Variants in MELTF observed in about 807,000 individuals in gnomAD.
MELTF encodes antigen p97 (melanoma associated) identified by monoclonal antibodies 133.2 and 96.5.
Under a neutral mutation model 83.7 loss-of-function variants are expected in MELTF, and 67 were observed. The observed-to-expected ratio is 0.80, with a 90% confidence interval of 0.66 to 0.98. The LOEUF is 0.98. MELTF is among the 50% of genes least tolerant of loss of function. MELTF has a pLI of 0.00. For synonymous variants in MELTF, 462 were observed against 447.6 expected, an observed-to-expected ratio of 1.03 and a Z score of -0.41; for missense variants, 1,002 against 1,035.6, an observed-to-expected ratio of 0.97 and a Z score of 0.44.
At position 197,008,866 on chromosome 3, in the gene MELTF, C is replaced by A; in HGVS notation, c.1625G>T (p.Arg542Leu). The change falls in exon 12 of 16, where the codon CGC becomes CTC. Residue 542 changes from arginine (R) to leucine (L), a missense_variant. By Grantham distance (102) the Arg-to-Leu change is moderately radical (BLOSUM62 -2). Coordinates refer to ENST00000296350, the MANE Select transcript of MELTF (RefSeq NM_005929.6). This position sits in a 1 kb window ranked among gnomAD's most constrained non-coding sequence, Gnocchi z 5.4. ...CTGGCTGTTGCCCACACACTTGTTG[C>A]GGCCCTGCTCGTCCCCCACGCACAG... The part of the protein sequence containing the change: ...CALCVGDEQG[R>L]NKCVGNSQER... 1 of 1,614,130 alleles carries A rather than the reference C, an allele frequency of 6.2e-7. No homozygotes were observed. The highest frequency in any genetic ancestry group is 8.5e-7 in the Non-Finnish European group (1 of 1,180,016).
chr3:197,022,963 G>GC lies in MELTF; in HGVS notation c.637dup (p.Ala213GlyfsTer49). The GC allele has an allele frequency of 6.2e-7, 1 of 1,608,432 alleles. No homozygotes were observed. The highest frequency in any genetic ancestry group is 8.5e-7 in the Non-Finnish European group (1 of 1,178,266). On this transcript the variant is annotated frameshift_variant, in exon 5 of 16. Coordinates refer to ENST00000296350, the MANE Select transcript of MELTF (RefSeq NM_005929.6). LOFTEE classifies it high-confidence loss of function. This position sits in a 1 kb window ranked among gnomAD's most constrained non-coding sequence, Gnocchi z 5.1. ...CTGCCCCCACTCCGCTCACCGGAAG[G>GC]CCCCGCTGTAGTCGTAGTATCTCTC...
chr3:197,028,069 CA>C (rs1362730779), intron 1 of MELTF, 159 bp from the exon 2 acceptor site: 7 of 787,068 alleles, frequency 8.9e-6, no homozygotes, highest in Non-Finnish European at 7.9e-6. Context: ...GGCGCAGAGA[CA>C]GGGGAAGGGC....
At position 197,024,335 on chromosome 3, in the gene MELTF, C is replaced by T. The variant is rs149889297; in HGVS notation, c.455G>A (p.Arg152His). 69 of 1,588,156 alleles carry T rather than the reference C, an allele frequency of 4.3e-5. No individual in the cohort carries two copies. The highest frequency in any genetic ancestry group is 3.1e-4 in the African/African-American group (23 of 74,264). ...VPVGYLVESG[R>H]LSVMGCDVLK... ...TACATCGCAGCCCATCACCGAGAGGCGGCCGCTCTCCACCAGGTAGCCCAC... is the reference window on the plus strand; with the variant it reads ...TACATCGCAGCCCATCACCGAGAGGTGGCCGCTCTCCACCAGGTAGCCCAC... Residue 152 changes from arginine (R) to histidine (H), a missense_variant, in exon 4 of 16, where the codon CGC becomes CAC. Arg to His is a conservative substitution (Grantham distance 29). Transcript: ENST00000296350. The surrounding 1 kb of genome is among the most constrained non-coding windows in gnomAD (Gnocchi z 5.3).
At chr3:197,012,612 G>C (rs1243275464) in intron 9 of MELTF, among the ~76,000 whole-genome samples, 1 of 152,266 alleles carries the variant, frequency 6.6e-6, no homozygotes, top group Non-Finnish European at 1.5e-5. Context: ...CAAAAACTGG[G>C]GAGTGTGAAC....
chr3:197,023,493 A>G (rs73893754), intron 4 of MELTF, among the ~76,000 whole-genome samples: 1 of 152,222 alleles, frequency 6.6e-6, no homozygotes. Flanking sequence ...ACTGATGGGT[A>G]GACAACCCTT....
At position 197,009,675 on chromosome 3, in the gene MELTF, C is replaced by T. The variant is rs138051810; in HGVS notation, c.1468G>A (p.Val490Met). 267 of 1,613,848 alleles carry T rather than the reference C, an allele frequency of 1.7e-4. No individual in the cohort carries two copies. The highest frequency in any genetic ancestry group is 1.6e-3 in the African/African-American group (120 of 75,052). Residue 490 changes from valine to methionine, a missense_variant, in exon 11 of 16, where the codon GTG (valine) becomes ATG (methionine). Val to Met is a conservative substitution (Grantham distance 21, BLOSUM62 1). Transcript: ENST00000296350. ...AAGCCTCTCTGAATAAGGGCACCCA[C>T]GGGGACATCCCAGCCTGCAGGGCTG... ...FGSPAGWDVP[V>M]GALIQRGFIR...
intron 5 of MELTF, among the ~76,000 whole-genome samples, chr3:197,021,914 C>T (rs1461928064): frequency 1.3e-5 from 2 of 152,100 alleles, no homozygotes; most frequent in African/African-American, 4.8e-5. Context: ...AGTGCAGTGG[C>T]GCAATCATAG....
intron 14 of MELTF, among the ~76,000 whole-genome samples, chr3:197,005,581 CTG>C (rs1208927097): frequency 6.6e-6 from 1 of 152,178 alleles, no homozygotes; most frequent in African/African-American, 2.4e-5. Flanking sequence ...GCAGAGAAGA[CTG>C]AGGAGTGGCC....
At chr3:197,015,265 C>T in intron 9 of MELTF, 100 bp downstream of exon 9, 2 of 1,362,672 alleles carry the variant, frequency 1.5e-6, no homozygotes, top group South Asian at 1.4e-5. Flanking sequence ...AGTAGACACT[C>T]TCCTCTTCCC....
At position 197,027,790 on chromosome 3, in the gene MELTF, C is replaced by A. The variant is rs148441557; in HGVS notation, c.170G>T (p.Gly57Val). Residue 57 changes from glycine (G) to valine (V), a missense_variant, in exon 2 of 16, where the codon GGC (glycine) becomes GTC (valine). By Grantham distance (109) the Gly-to-Val change is moderately radical (BLOSUM62 -3). Coordinates refer to ENST00000296350, the MANE Select transcript of MELTF (RefSeq NM_005929.6). Reference sequence around the variant, plus strand: ...CTGGACGCAGTGGTCGGCGGAGGTGCCCCGGACGCAGAGGAGGGAGGGCTG... The same window carrying A: ...CTGGACGCAGTGGTCGGCGGAGGTGACCCGGACGCAGAGGAGGGAGGGCTG... ...GIQPSLLCVR[G>V]TSADHCVQLI... is the part of the protein sequence containing the mutation. The A allele has an allele frequency of 3.7e-4, 598 of 1,610,516 alleles. No individual in the cohort carries two copies. Among genetic ancestry groups the A allele is most frequent in the Non-Finnish European group, 4.9e-4 (577 of 1,179,014 alleles).
At chr3:197,019,846 A>G in intron 6 of MELTF, 1 of 1,523,738 alleles carries the variant, frequency 6.6e-7, no homozygotes, top group South Asian at 1.3e-5. Context: ...AATGACAATG[A>G]TTTAAAAAAA....
chr3:197,009,547 A>C, intron 11 of MELTF, 71 bp downstream of exon 11: 2 of 1,479,298 alleles, frequency 1.4e-6, no homozygotes, highest in Non-Finnish European at 1.8e-6. Context: ...CCTCTCCCCA[A>C]CAGGCTGCGG....
intron 5 of MELTF, among the ~76,000 whole-genome samples, chr3:197,021,723 G>A (rs1365326626): frequency 1.3e-5 from 2 of 152,204 alleles, no homozygotes; most frequent in Non-Finnish European, 2.9e-5. Context: ...AGGATGAGAG[G>A]CTCCTTATAA....
chr3:197,020,123 A>C (rs1451227565), intron 6 of MELTF, among the ~76,000 whole-genome samples: 1 of 152,242 alleles, frequency 6.6e-6, no homozygotes, highest in East Asian at 1.9e-4. Flanking sequence ...CTTCAGGCAA[A>C]TCTAAATTGA....
chr3:197,024,496 A>G lies in MELTF; in HGVS notation c.305-11T>C. ...AGGAGGTACCGACCTCTAGGAGGGGAGGGGAGTGGGTGAGGGCAGCAGGGA... is the reference window on the plus strand; with the variant it reads ...AGGAGGTACCGACCTCTAGGAGGGGGGGGGAGTGGGTGAGGGCAGCAGGGA... On this transcript the variant is annotated splice_polypyrimidine_tract_variant and intron_variant, in intron 3 of 15. Coordinates refer to ENST00000296350, the MANE Select transcript of MELTF (RefSeq NM_005929.6). The surrounding 1 kb of genome is among the most constrained non-coding windows in gnomAD (Gnocchi z 5.3). The G allele has an allele frequency of 1.3e-6, 2 of 1,563,708 alleles. No individual in the cohort carries two copies. The highest frequency in any genetic ancestry group is 1.2e-5 in the South Asian group (1 of 86,432).
In MELTF at chr3:197,008,349, A is replaced by ATCAATAC. The variant is rs1185736354; in HGVS notation, c.1750+301_1750+307dup. On this transcript the variant is annotated intron_variant, in intron 13 of 15. Coordinates refer to ENST00000296350, the MANE Select transcript of MELTF (RefSeq NM_005929.6). This position sits in a 1 kb window ranked among gnomAD's most constrained non-coding sequence, Gnocchi z 5.4. Reference sequence around the variant, plus strand: ...CTCCCACCTCACACCTTGGCACTACATCAATACTCCCAGAAGGGGGTCTTT... The same window carrying ATCAATAC: ...CTCCCACCTCACACCTTGGCACTACATCAATACTCAATACTCCCAGAAGGGGGTCTTT... Among the ~76,000 whole-genome samples the ATCAATAC allele has an allele frequency of 6.6e-6, 1 of 152,114 alleles. No homozygotes were observed. Among genetic ancestry groups the ATCAATAC allele is most frequent in the Admixed American group, 6.5e-5 (1 of 15,278 alleles).
Position 197,021,466 on chromosome 3 carries a change from A to C in MELTF, c.650T>G (p.Leu217Arg). The C allele has an allele frequency of 6.2e-7, 1 of 1,613,664 alleles. No individual in the cohort carries two copies. Residue 217 changes from leucine to arginine, a missense_variant, in exon 6 of 16, where the codon CTG becomes CGG. By Grantham distance (102) the Leu-to-Arg change is moderately radical (BLOSUM62 -2). Coordinates refer to ENST00000296350, the MANE Select transcript of MELTF (RefSeq NM_005929.6). ...AGCCACGTCCCCTGCCCCTTCCGCC[A>C]GGCACCTGCGGAGGAGAAGCTGTGG... The part of the protein sequence containing the change: ...YYDYSGAFRC[L>R]AEGAGDVAFV...
chr3:197,026,910 A>T, intron 2 of MELTF, 151 bp from the exon 3 acceptor site: 1 of 612,728 alleles, frequency 1.6e-6, no homozygotes, highest in Non-Finnish European at 2.9e-6. Flanking sequence ...ACCAGAGCCC[A>T]GGGCTCTCCC....
At position 197,022,855 on chromosome 3, in the gene MELTF, T is replaced by G. The variant is rs1430161910; in HGVS notation, c.644+102A>C. The G allele has an allele frequency of 8.7e-7, 1 of 1,143,860 alleles. No homozygotes were observed. Among genetic ancestry groups the G allele is most frequent in the Admixed American group, 2.3e-5 (1 of 43,394 alleles). 70.9% of individuals were successfully genotyped at this position (1,143,860 alleles called of 1,614,324 possible). ...TGATGAGACGCAGCCAACATGCCACTTCCCCCTCCACGGCCCTCTCTGGGC... is the reference window on the plus strand; with the variant it reads ...TGATGAGACGCAGCCAACATGCCACGTCCCCCTCCACGGCCCTCTCTGGGC... On this transcript the variant is annotated intron_variant, in intron 5 of 15. Transcript: ENST00000296350. This position sits in a 1 kb window ranked among gnomAD's most constrained non-coding sequence, Gnocchi z 5.1.
Sources: gnomAD v4.1 joint callset for allele counts (sites outside exome capture counted in the v4.1 genomes callset) on GRCh38, gnomAD v4.1.1 for gene constraint, Gnocchi (gnomAD v3.1) non-coding constraint, MANE v1.5 for transcripts, NCBI Gene and HGNC (gene_info 2026-07-23, HGNC 2026-07-21) for gene names.